FAR1: variants seen among roughly 807,000 people sequenced by gnomAD.
FAR1 encodes male sterility domain-containing protein 2.
A neutral mutation model predicts 61.1 loss-of-function variants in FAR1; 22 were observed. The observed-to-expected ratio is 0.36, with a 90% CI of 0.26 to 0.51. The LOEUF is 0.51. Ranked by LOEUF, FAR1 falls within the 20% of genes least tolerant of loss-of-function variation. The probability of loss-of-function intolerance (pLI) is 0.95; values close to 1 mark genes in which losing one functional copy is unlikely to be tolerated. For missense variants in FAR1, 359 were observed against 626.9 expected, an observed-to-expected ratio of 0.57 and a Z score of 4.56; for synonymous variants, 206 against 209.7, an observed-to-expected ratio of 0.98 and a Z score of 0.15.
intron 1 of FAR1, among the ~76,000 whole-genome samples, chr11:13,670,363 G>T (rs573006101): frequency 1.3e-5 from 2 of 152,074 alleles, no homozygotes; most frequent in Admixed American, 6.5e-5. Context: ...ATCTTGGCTC[G>T]CTGCAACCTC....
At chr11:13,674,234 G>A (rs1051515755) in intron 1 of FAR1, among the ~76,000 whole-genome samples, 5 of 151,438 alleles carry the variant, frequency 3.3e-5, no homozygotes, top group South Asian at 2.1e-4. Flanking sequence ...GCTTGAACCC[G>A]GGAGGCAGAG....
chr11:13,692,277 T>G (rs1357536481), intron 1 of FAR1, among the ~76,000 whole-genome samples: 2 of 152,126 alleles, frequency 1.3e-5, no homozygotes, highest in Middle Eastern at 3.2e-3. Flanking sequence ...TATTCCAAAT[T>G]TGAAAAAAAT....
intron 1 of FAR1, among the ~76,000 whole-genome samples, chr11:13,693,522 A>C (rs1848276055): frequency 6.6e-6 from 1 of 152,198 alleles, no homozygotes; most frequent in South Asian, 2.1e-4. Context: ...CTGGGAGCCA[A>C]AGTTTATGCA....
intron 1 of FAR1, among the ~76,000 whole-genome samples, chr11:13,687,687 A>C (rs1488062623): frequency 6.6e-6 from 1 of 152,174 alleles, no homozygotes; most frequent in African/African-American, 2.4e-5. Context: ...ATTTCTTTTC[A>C]AATTAGTGCG....
At position 13,727,584 on chromosome 11, in the gene FAR1, A is replaced by G; in HGVS notation, c.1286A>G (p.His429Arg). The change falls in exon 11 of 12, where the codon CAT (histidine) becomes CGT (arginine). Residue 429 changes from histidine (H) to arginine (R), a missense_variant. His to Arg is a conservative substitution (Grantham distance 29). Transcript: ENST00000354817. ...KTFNIDVRQL[H>R]WAEYIENYCL... Reference sequence around the variant, plus strand: ...TTCAATATTGATGTACGGCAGTTACATTGGGCAGAATATATAGAGAACTAC... The same window carrying G: ...TTCAATATTGATGTACGGCAGTTACGTTGGGCAGAATATATAGAGAACTAC... 1.2e-6 allele frequency: 2 copies of G among 1,608,774 alleles called. No homozygotes were observed. The highest frequency in any genetic ancestry group is 1.1e-5 in the South Asian group (1 of 90,412).
intron 8 of FAR1, 33 bp from the exon 9 acceptor site, chr11:13,714,476 T>C (rs1013448024): frequency 6.4e-7 from 1 of 1,573,398 alleles, no homozygotes; most frequent in Non-Finnish European, 8.6e-7. Context: ...ACATGGTTAT[T>C]ATCAAAGCTG....
chr11:13,702,779 A>G (rs904811205), intron 3 of FAR1, among the ~76,000 whole-genome samples: 1 of 152,218 alleles, frequency 6.6e-6, no homozygotes, highest in South Asian at 2.1e-4. Flanking sequence ...ATGCTTTGAA[A>G]GGTGGACAGG....
At chr11:13,690,123 C>T (rs902750990) in intron 1 of FAR1, among the ~76,000 whole-genome samples, 25 of 151,926 alleles carry the variant, frequency 1.6e-4, no homozygotes, top group Admixed American at 9.2e-4. Context: ...GTAATCTGCC[C>T]GCCTCAGCCT....
At chr11:13,698,978 C>A (rs185318495) in intron 2 of FAR1, among the ~76,000 whole-genome samples, 52 of 152,260 alleles carry the variant, frequency 3.4e-4, no homozygotes, top group Non-Finnish European at 1.5e-4. Flanking sequence ...ATGTTCCAGG[C>A]TGACTGAATT....
At chr11:13,673,584 A>G (rs1210207273) in intron 1 of FAR1, among the ~76,000 whole-genome samples, 1 of 152,168 alleles carries the variant, frequency 6.6e-6, no homozygotes, top group African/African-American at 2.4e-5. Flanking sequence ...AGCCTTAGGT[A>G]TTTGTTACCT....
At chr11:13,710,631 A>G in intron 4 of FAR1, 62 bp from the exon 5 acceptor site, 2 of 1,412,624 alleles carry the variant, frequency 1.4e-6, no homozygotes, top group Non-Finnish European at 1.9e-6. Flanking sequence ...AGTTCAATTA[A>G]GTAGCTTTTT....
At chr11:13,724,168 A>G (rs1848644040) in intron 10 of FAR1, among the ~76,000 whole-genome samples, 1 of 152,136 alleles carries the variant, frequency 6.6e-6, no homozygotes, top group Non-Finnish European at 1.5e-5. Context: ...AGCCTAGTTA[A>G]TTAGCTAGCT....
chr11:13,718,133 A>C (rs1375528707), intron 9 of FAR1, among the ~76,000 whole-genome samples: 1 of 152,128 alleles, frequency 6.6e-6, no homozygotes, highest in Non-Finnish European at 1.5e-5. Flanking sequence ...TCTGTTACAC[A>C]TTTCTTTAAG....
At chr11:13,710,965 T>C in intron 5 of FAR1, 95 bp downstream of exon 5, 1 of 1,082,984 alleles carries the variant, frequency 9.2e-7, no homozygotes, top group Non-Finnish European at 1.3e-6. Flanking sequence ...AGAACAGGTA[T>C]TATTTACTAA....
chr11:13,679,032 A>G (rs547740340), intron 1 of FAR1, among the ~76,000 whole-genome samples: 2 of 152,314 alleles, frequency 1.3e-5, no homozygotes, highest in South Asian at 4.1e-4. Flanking sequence ...ATGTTTTCCT[A>G]TAACATCGGT....
intron 3 of FAR1, among the ~76,000 whole-genome samples, chr11:13,700,827 T>A (rs1848362887): frequency 6.6e-6 from 1 of 152,130 alleles, no homozygotes; most frequent in Non-Finnish European, 1.5e-5. Context: ...CCCCAGCAGC[T>A]TTATTCTTCT....
At chr11:13,693,406 C>T (rs1591260744) in intron 1 of FAR1, among the ~76,000 whole-genome samples, 1 of 152,158 alleles carries the variant, frequency 6.6e-6, no homozygotes, top group Non-Finnish European at 1.5e-5. Context: ...GCCTCCTCCA[C>T]CTTCGTTTGT....
At position 13,716,558 on chromosome 11, in the gene FAR1, G is replaced by GCTCTTTGCAAGGATTA. The variant is rs765839555; in HGVS notation, c.1127+1879_1127+1894dup. 7.1e-4 allele frequency among the ~76,000 whole-genome samples: 108 copies of GCTCTTTGCAAGGATTA among 152,228 alleles called. 1 individual carries two copies. The highest frequency in any genetic ancestry group is 1.4e-3 in the Non-Finnish European group (93 of 68,018). On this transcript the variant is annotated intron_variant, in intron 9 of 11. Coordinates refer to ENST00000354817, the MANE Select transcript of FAR1 (RefSeq NM_032228.6). ...CGTGTCATAAGGATCTCTCCATATA[G>GCTCTTTGCAAGGATTA]CTCTTTGCAAGGATTAATGATAGCC...
chr11:13,691,309 T>C (rs1848247307), intron 1 of FAR1, among the ~76,000 whole-genome samples: 2 of 152,222 alleles, frequency 1.3e-5, no homozygotes, highest in Admixed American at 1.3e-4. Context: ...GAAGGAGCCC[T>C]CCTGCCCTTA....
Sources: allele counts gnomAD v4.1 joint callset (sites outside exome capture counted in the v4.1 genomes callset), GRCh38; gene constraint gnomAD v4.1.1; transcripts MANE v1.5; gene names NCBI Gene and HGNC (gene_info 2026-07-23, HGNC 2026-07-21).